The following COL5A2 variants were observed in gnomAD, a reference collection of about 807,000 sequenced individuals.
The protein encoded by COL5A2 is collagen type V alpha 2 chain.
COL5A2 carries 23 observed loss-of-function variants against 208.2 expected under a neutral mutation model. The observed-to-expected ratio is 0.11, with a 90% CI of 0.08 to 0.16. The LOEUF is 0.16. Among genes scored for constraint, COL5A2 ranks in the 10% least tolerant of loss-of-function variants. The pLI is 1.00. For missense variants in COL5A2, 1,590 were observed against 1,956.4 expected (o/e 0.81, Z 3.53); for synonymous variants, 625 against 628.5 (o/e 0.99, Z 0.08).
At chr2:189,288,925 C>T in the COL5A2 span, among the ~76,000 whole-genome samples, 11 of 152,204 alleles carry the variant, frequency 7.2e-5, no homozygotes, top group Admixed American at 2.6e-4. Flanking sequence ...AAATGTGATA[C>T]GCCACATTAA....
At chr2:189,089,566 T>C (rs1018746865) in intron 7 of COL5A2, among the ~76,000 whole-genome samples, 3 of 152,196 alleles carry the variant, frequency 2.0e-5, no homozygotes, top group African/African-American at 7.2e-5. Context: ...TCTACAGGCA[T>C]GCCTCATTTT....
chr2:189,288,454 C>G, the COL5A2 span, among the ~76,000 whole-genome samples: 7 of 152,022 alleles, frequency 4.6e-5, no homozygotes, highest in Non-Finnish European at 8.8e-5. Context: ...AATCATACAT[C>G]AACAAACTGT....
chr2:189,210,949 G>A (rs1450242032), intron 1 of COL5A2, among the ~76,000 whole-genome samples: 2 of 152,106 alleles, frequency 1.3e-5, no homozygotes, highest in African/African-American at 2.4e-5. Context: ...GATTTCCCCA[G>A]GATTTTTTTT....
intron 1 of COL5A2, among the ~76,000 whole-genome samples, chr2:189,219,298 T>G (rs1299815560): frequency 6.6e-6 from 1 of 152,180 alleles, no homozygotes; most frequent in Non-Finnish European, 1.5e-5. Flanking sequence ...GCCAAAAACA[T>G]TAACATAAAA....
the COL5A2 span, among the ~76,000 whole-genome samples, chr2:189,407,333 G>A: frequency 7.9e-5 from 12 of 152,164 alleles, 1 homozygote; most frequent in South Asian, 2.5e-3. Context: ...AGAATATGGG[G>A]GAGGTGGAGG....
At chr2:189,267,924 T>C in the COL5A2 span, among the ~76,000 whole-genome samples, 1 of 152,228 alleles carries the variant, frequency 6.6e-6, no homozygotes, top group African/African-American at 2.4e-5. Context: ...TCAATCCATT[T>C]ATCCTTTCAT....
intron 48 of COL5A2, 118 bp downstream of exon 48, chr2:189,043,033 T>C: frequency 1.2e-6 from 1 of 847,652 alleles, no homozygotes; most frequent in Non-Finnish European, 2.0e-6. Context: ...AGATATTCTT[T>C]GAACTGAAAA....
chr2:189,054,690 CTTTTTTTT>C (rs58380313), intron 35 of COL5A2, among the ~76,000 whole-genome samples: 1 of 113,552 alleles, frequency 8.8e-6, no homozygotes, highest in South Asian at 3.0e-4. Context: ...GTGTTTTTTC[CTTTTTTTT>C]TTTTTTTTTT....
chr2:189,302,825 A>G, the COL5A2 span, among the ~76,000 whole-genome samples: 1 of 152,120 alleles, frequency 6.6e-6, no homozygotes, highest in Admixed American at 6.6e-5. Context: ...TTATCAGATC[A>G]GCTGCTGTGG....
the COL5A2 span, among the ~76,000 whole-genome samples, chr2:189,348,256 C>A: frequency 2.6e-5 from 4 of 152,016 alleles, no homozygotes; most frequent in East Asian, 5.8e-4. Context: ...TTTAAAAAAA[C>A]ATATTATCAC....
chr2:189,117,688 C>T (rs1687420040), intron 1 of COL5A2, among the ~76,000 whole-genome samples: 1 of 152,024 alleles, frequency 6.6e-6, no homozygotes, highest in Non-Finnish European at 1.5e-5. Context: ...CACATGACTA[C>T]ACACACATAC....
the COL5A2 span, among the ~76,000 whole-genome samples, chr2:189,263,588 C>A: frequency 6.6e-6 from 1 of 152,124 alleles, no homozygotes; most frequent in Admixed American, 6.6e-5. Flanking sequence ...TAGGTCTTCA[C>A]ATTCACTCAC....
chr2:189,388,466 A>G, the COL5A2 span, among the ~76,000 whole-genome samples: 1 of 152,136 alleles, frequency 6.6e-6, no homozygotes, highest in Non-Finnish European at 1.5e-5. Context: ...ATAGGCAAAG[A>G]GCCTTGAGGG....
the COL5A2 span, among the ~76,000 whole-genome samples, chr2:189,432,733 G>A: frequency 3.9e-5 from 6 of 152,138 alleles, no homozygotes; most frequent in African/African-American, 1.4e-4. Flanking sequence ...ATAATAATGG[G>A]AGACTTTAAC....
At chr2:189,298,440 C>T in the COL5A2 span, among the ~76,000 whole-genome samples, 1 of 152,192 alleles carries the variant, frequency 6.6e-6, no homozygotes, top group Non-Finnish European at 1.5e-5. Context: ...GGCTATACAT[C>T]TACTGCCTCT....
At position 189,079,985 on chromosome 2, in the gene COL5A2, C is replaced by G. The variant is rs1686495194; in HGVS notation, c.953G>C (p.Gly318Ala). 1 of 1,612,314 alleles carries G rather than the reference C, an allele frequency of 6.2e-7. No individual in the cohort carries two copies. Among genetic ancestry groups the G allele is most frequent in the Non-Finnish European group, 8.5e-7 (1 of 1,178,634 alleles). The change falls in exon 14 of 54, where the codon GGT becomes GCT. Residue 318 changes from glycine (G) to alanine (A), a missense_variant. Coordinates refer to ENST00000374866, the MANE Select transcript of COL5A2 (RefSeq NM_000393.5). ...AGATAATTATAAGATTACCTTGGAA[C>G]CAGGTGCTCCAACTTCACCTTTAGG... ...EGPKGEVGAP[G>A]SKGEAGPTGP...
At position 189,113,977 on chromosome 2, in the gene COL5A2, G is replaced by A. The variant is rs142431448; in HGVS notation, c.98-3528C>T. Among the ~76,000 whole-genome samples, 832 of 152,262 alleles carry A rather than the reference G, an allele frequency of 5.5e-3. 8 individuals are homozygous for A. Among genetic ancestry groups the A allele is most frequent in the Admixed American group, 8.3e-3 (127 of 15,292 alleles). On this transcript the variant is annotated intron_variant, in intron 1 of 53. Transcript: ENST00000374866. The stretch of plus-strand genomic sequence containing the variant: ...CTAGAAGAGCAGTTTCTTTCTGAAA[G>A]TTTAAGACAACATAACTTCAACTCA...
chr2:189,272,651 A>G, the COL5A2 span, among the ~76,000 whole-genome samples: 1 of 152,146 alleles, frequency 6.6e-6, no homozygotes, highest in Non-Finnish European at 1.5e-5. Context: ...CCCAGAACTT[A>G]AAGTATAATT....
intron 1 of COL5A2, among the ~76,000 whole-genome samples, chr2:189,211,115 A>T (rs993330144): frequency 2.0e-5 from 3 of 152,200 alleles, no homozygotes; most frequent in Non-Finnish European, 4.4e-5. Flanking sequence ...CATATAAGCG[A>T]AAGACGTGGG....
Sources: allele counts gnomAD v4.1 joint callset (sites outside exome capture counted in the v4.1 genomes callset), GRCh38; gene constraint gnomAD v4.1.1; transcripts MANE v1.5; gene names NCBI Gene and HGNC (gene_info 2026-07-23, HGNC 2026-07-21).